OPCML: variants seen among roughly 807,000 people sequenced by gnomAD.
OPCML encodes the protein opioid-binding protein/cell adhesion molecule.
Under a neutral mutation model 37.8 loss-of-function variants are expected in OPCML, and 13 were observed. The observed-to-expected ratio is 0.34, with a 90% CI of 0.22 to 0.55. The LOEUF (loss-of-function observed/expected upper bound fraction) is 0.55, where lower values mean the gene tolerates loss of function less well. OPCML is among the 20% of genes least tolerant of loss of function. The pLI is 0.91. For synonymous variants in OPCML, 176 were observed against 168.8 expected, an observed-to-expected ratio of 1.04 and a Z score of -0.33; for missense variants, 341 against 435.6, an observed-to-expected ratio of 0.78 and a Z score of 1.93.
chr11:133,475,639 T>G (rs572809950), intron 1 of OPCML, among the ~76,000 whole-genome samples: 31 of 152,302 alleles, frequency 2.0e-4, no homozygotes, highest in African/African-American at 7.2e-4. Flanking sequence ...ACCAGCTCTC[T>G]CTCTCTTTTT....
At chr11:133,330,110 G>C (rs1233300869) in intron 1 of OPCML, among the ~76,000 whole-genome samples, 1 of 152,184 alleles carries the variant, frequency 6.6e-6, no homozygotes, top group East Asian at 1.9e-4. Context: ...GGCCATCAGA[G>C]AAATGCAAGT....
chr11:133,054,272 T>C (rs1267526306), intron 1 of OPCML, among the ~76,000 whole-genome samples: 1 of 152,206 alleles, frequency 6.6e-6, no homozygotes, highest in African/African-American at 2.4e-5. Flanking sequence ...GGTGGCTTTC[T>C]ATTATACCTG....
intron 1 of OPCML, among the ~76,000 whole-genome samples, chr11:132,986,898 GA>G (rs974631107): frequency 6.6e-6 from 1 of 152,148 alleles, no homozygotes; most frequent in African/African-American, 2.4e-5. Flanking sequence ...AATGAGTCTT[GA>G]AAAAGTTGAA....
At chr11:133,004,207 C>G in intron 1 of OPCML, 1 of 985,460 alleles carries the variant, frequency 1.0e-6, no homozygotes, top group Non-Finnish European at 1.2e-6. Flanking sequence ...ATCTGCCTTG[C>G]CTGAGAGTCA....
intron 1 of OPCML, among the ~76,000 whole-genome samples, chr11:133,374,671 T>C (rs1457857096): frequency 5.3e-5 from 8 of 152,246 alleles, no homozygotes; most frequent in African/African-American, 1.9e-4. Flanking sequence ...TTTCTGACTA[T>C]TCCTTCAGTT....
At chr11:132,700,661 T>A (rs1454598010) in intron 2 of OPCML, among the ~76,000 whole-genome samples, 1 of 152,212 alleles carries the variant, frequency 6.6e-6, no homozygotes, top group Non-Finnish European at 1.5e-5. Context: ...GATAGAATTT[T>A]AAACTTCTTA....
intron 1 of OPCML, among the ~76,000 whole-genome samples, chr11:132,988,986 G>A (rs1041023897): frequency 3.3e-5 from 5 of 152,152 alleles, no homozygotes; most frequent in South Asian, 2.1e-4. Context: ...CTACAATAAC[G>A]TTGCATTTTA....
chr11:133,512,892 G>A (rs1328428889), intron 1 of OPCML, among the ~76,000 whole-genome samples: 3 of 152,208 alleles, frequency 2.0e-5, no homozygotes, highest in Non-Finnish European at 4.4e-5. Flanking sequence ...AACCAGGGCA[G>A]AGACCAATAT....
chr11:132,733,367 CAGA>C (rs1431671581), intron 2 of OPCML, among the ~76,000 whole-genome samples: 2 of 151,948 alleles, frequency 1.3e-5, no homozygotes, highest in Non-Finnish European at 2.9e-5. Flanking sequence ...AAAGAACAAG[CAGA>C]AGATTTCCGC....
At chr11:132,425,294 C>G (rs1474498777) in intron 7 of OPCML, among the ~76,000 whole-genome samples, 1 of 152,134 alleles carries the variant, frequency 6.6e-6, no homozygotes, top group Non-Finnish European at 1.5e-5. Flanking sequence ...ATCAGAGATT[C>G]TGGGAAGAAA....
intron 2 of OPCML, among the ~76,000 whole-genome samples, chr11:132,711,346 G>A (rs894475188): frequency 1.6e-4 from 24 of 152,128 alleles, no homozygotes; most frequent in African/African-American, 7.2e-5. Flanking sequence ...CATTCAATAG[G>A]GCAAATGCAG....
At position 132,863,964 on chromosome 11, in the gene OPCML, G is replaced by T. The variant is rs1942415967; in HGVS notation, c.146+78962C>A. Among the ~76,000 whole-genome samples, 4 of 152,026 alleles carry T rather than the reference G, an allele frequency of 2.6e-5. No homozygotes were observed. In the South Asian group the frequency reaches 8.3e-4, roughly 32 times the overall value. On this transcript the variant is annotated intron_variant, in intron 2 of 7. Coordinates refer to ENST00000524381, the MANE Select transcript of OPCML (RefSeq NM_001012393.5). ...TATTTGTTTATTTTTTTGAGATAGG[G>T]TTTCATGCTGTCGCCCAGGCTGGAG...
chr11:132,521,077 C>T (rs907331219), intron 4 of OPCML, among the ~76,000 whole-genome samples: 1 of 152,258 alleles, frequency 6.6e-6, no homozygotes, highest in Admixed American at 6.5e-5. Flanking sequence ...GCCATTCTGA[C>T]TGGCATGAGA....
intron 1 of OPCML, among the ~76,000 whole-genome samples, chr11:133,053,990 T>C (rs769381103): frequency 1.3e-5 from 2 of 152,226 alleles, no homozygotes; most frequent in African/African-American, 2.4e-5. Flanking sequence ...GGTCTCAATC[T>C]TGGTAAACAC....
intron 1 of OPCML, among the ~76,000 whole-genome samples, chr11:133,325,165 C>G (rs1160344846): frequency 6.6e-6 from 1 of 152,202 alleles, no homozygotes; most frequent in Admixed American, 6.5e-5. Flanking sequence ...AATGGAAGCT[C>G]TGGTATGAAA....
At chr11:132,454,649 G>T (rs2096076942) in intron 4 of OPCML, among the ~76,000 whole-genome samples, 1 of 152,188 alleles carries the variant, frequency 6.6e-6, no homozygotes, top group South Asian at 2.1e-4. Context: ...GTTGAATAGG[G>T]TTTGTGGCTT....
chr11:132,655,520 C>T (rs1178694366), intron 3 of OPCML, among the ~76,000 whole-genome samples: 2 of 152,150 alleles, frequency 1.3e-5, no homozygotes, highest in South Asian at 2.1e-4. Flanking sequence ...TGTGGGTGGA[C>T]GTGTATGGAG....
chr11:132,455,839 C>A (rs866610767), intron 4 of OPCML, among the ~76,000 whole-genome samples: 1 of 152,162 alleles, frequency 6.6e-6, no homozygotes, highest in Non-Finnish European at 1.5e-5. Context: ...ATAATCTCTG[C>A]CCTCACACAG....
chr11:132,479,243 T>G (rs900881606), intron 4 of OPCML, among the ~76,000 whole-genome samples: 35 of 152,154 alleles, frequency 2.3e-4, no homozygotes, highest in African/African-American at 8.2e-4. Context: ...TTCCCTTTCC[T>G]AGTCAAAGAA....
Sources: allele counts gnomAD v4.1 joint callset (sites outside exome capture counted in the v4.1 genomes callset), GRCh38; gene constraint gnomAD v4.1.1; transcripts MANE v1.5; gene names NCBI Gene and HGNC (gene_info 2026-07-23, HGNC 2026-07-21).